VSTM4: variants seen among roughly 807,000 people sequenced by gnomAD.
VSTM4 encodes V-set and transmembrane domain containing 4.
In VSTM4, 20 loss-of-function variants were observed where a neutral mutation model predicts 36.4. That is an observed-to-expected ratio of 0.55 (90% CI 0.39 to 0.80). The LOEUF is 0.80. Among genes scored for constraint, VSTM4 ranks in the 30% least tolerant of loss-of-function variants. The pLI, the probability that VSTM4 is intolerant of heterozygous loss-of-function variation, is 0.00. For missense variants in VSTM4, 392 were observed against 404.5 expected, an observed-to-expected ratio of 0.97 and a Z score of 0.26; for synonymous variants, 182 against 173.9, an observed-to-expected ratio of 1.05 and a Z score of -0.37.
intron 4 of VSTM4, among the ~76,000 whole-genome samples, chr10:49,072,111 T>C (rs940450431): frequency 2.0e-5 from 3 of 152,240 alleles, no homozygotes; most frequent in African/African-American, 7.2e-5. Context: ...TGGACACACA[T>C]GGCTTGGTCT....
intron 4 of VSTM4, among the ~76,000 whole-genome samples, chr10:49,076,093 C>G (rs915200299): frequency 4.6e-5 from 7 of 152,132 alleles, no homozygotes; most frequent in African/African-American, 1.7e-4. Flanking sequence ...TTGGATGTGT[C>G]ACCTCCCTCA....
chr10:49,115,030 A>C (rs1844966038), intron 1 of VSTM4, among the ~76,000 whole-genome samples: 1 of 152,106 alleles, frequency 6.6e-6, no homozygotes, highest in African/African-American at 2.4e-5. Flanking sequence ...AAGAGAGTGA[A>C]AGGGAAGTTG....
At chr10:49,047,267 T>C (rs143668871) in intron 6 of VSTM4, among the ~76,000 whole-genome samples, 1 of 151,886 alleles carries the variant, frequency 6.6e-6, no homozygotes, top group African/African-American at 2.4e-5. Context: ...ACAAAACAAC[T>C]CTGCATAAAA....
At chr10:49,072,638 G>A (rs959887903) in intron 4 of VSTM4, among the ~76,000 whole-genome samples, 2 of 152,188 alleles carry the variant, frequency 1.3e-5, no homozygotes, top group Admixed American at 1.3e-4. Flanking sequence ...GTGGGAGAGT[G>A]ACACAGTGCC....
At chr10:49,041,295 A>T (rs931535265) in intron 7 of VSTM4, among the ~76,000 whole-genome samples, 1 of 152,242 alleles carries the variant, frequency 6.6e-6, no homozygotes, top group African/African-American at 2.4e-5. Flanking sequence ...ACTAGCTTCC[A>T]AATTGACCTT....
chr10:49,053,853 G>A (rs1194841156), intron 5 of VSTM4, among the ~76,000 whole-genome samples: 1 of 152,206 alleles, frequency 6.6e-6, no homozygotes, highest in African/African-American at 2.4e-5. Flanking sequence ...GACAGACCAG[G>A]CAGGTCATGA....
chr10:49,035,687 A>AAAAAAAAAGTT (rs1554829905), intron 7 of VSTM4, among the ~76,000 whole-genome samples: 8 of 150,904 alleles, frequency 5.3e-5, no homozygotes, highest in African/African-American at 2.0e-4. Flanking sequence ...AAAAAAAAAA[A>AAAAAAAAAGTT]AAAAGTTAGA....
rs991833981 is a variant in VSTM4 at position 49,077,388 on chromosome 10, C to T, written c.527-62G>A. The stretch of plus-strand genomic sequence containing the variant: ...GGGGGCCGCAGCAGAAGTGCGCTGG[C>T]AAGAGAACAATCAGAATTGGAATAT... On this transcript the variant is annotated intron_variant, in intron 3 of 7. Transcript: ENST00000332853. 4.2e-6 allele frequency: 6 copies of T among 1,445,168 alleles called. No homozygotes were observed. In the African/African-American group the frequency reaches 7.0e-5, roughly 17 times the overall value. The allele number at this position is 1,445,168 out of a possible 1,614,324, so 89.5% of individuals were successfully genotyped here.
chr10:49,064,843 G>A, intron 4 of VSTM4, 107 bp from the exon 5 acceptor site: 6 of 1,146,748 alleles, frequency 5.2e-6, no homozygotes, highest in Non-Finnish European at 7.6e-6. Context: ...TCAGGTATTG[G>A]TGCTATACCA....
intron 3 of VSTM4, among the ~76,000 whole-genome samples, chr10:49,079,823 G>C (rs1001419383): frequency 6.6e-6 from 1 of 151,986 alleles, no homozygotes; most frequent in East Asian, 1.9e-4. Flanking sequence ...AAAAGCCATC[G>C]GCCATCCTGT....
At chr10:49,097,938 T>C (rs903090927) in intron 2 of VSTM4, among the ~76,000 whole-genome samples, 2 of 152,228 alleles carry the variant, frequency 1.3e-5, no homozygotes, top group African/African-American at 4.8e-5. Flanking sequence ...TTTTTTTCTC[T>C]GGCCTAAGGG....
chr10:49,048,461 G>T lies in VSTM4; in HGVS notation c.775+17C>A, dbSNP rs769117533. 1.3e-6 allele frequency: 2 copies of T among 1,561,568 alleles called. No homozygotes were observed. The highest frequency in any genetic ancestry group is 2.2e-5 in the Admixed American group (1 of 46,044). Reference sequence around the variant, plus strand: ...AATGATAGTTTCCAGGTAAGAAACTGCAGGCCAGCTCCTTACCTTTGGCAG... The same window carrying T: ...AATGATAGTTTCCAGGTAAGAAACTTCAGGCCAGCTCCTTACCTTTGGCAG... On this transcript the variant is annotated intron_variant, in intron 6 of 7. Coordinates refer to ENST00000332853, the MANE Select transcript of VSTM4 (RefSeq NM_001031746.5).
At chr10:49,105,841 G>GTGTA (rs1844772338) in intron 2 of VSTM4, among the ~76,000 whole-genome samples, 2 of 149,372 alleles carry the variant, frequency 1.3e-5, no homozygotes, top group Non-Finnish European at 3.0e-5. Flanking sequence ...ATGTGTGTGT[G>GTGTA]TATATATATA....
chr10:49,053,835 C>G (rs56157539), intron 5 of VSTM4, among the ~76,000 whole-genome samples: 1 of 152,186 alleles, frequency 6.6e-6, no homozygotes, highest in South Asian at 2.1e-4. Context: ...TGGAAAGCAC[C>G]GCTGCAGGAC....
intron 2 of VSTM4, among the ~76,000 whole-genome samples, 193 bp downstream of exon 2, chr10:49,107,401 G>A (rs973315400): frequency 5.9e-5 from 9 of 152,150 alleles, no homozygotes; most frequent in Admixed American, 1.3e-4. Flanking sequence ...TGTCTACACA[G>A]CACATTAGCC....
chr10:49,107,812 T>G lies in VSTM4; in HGVS notation c.239A>C (p.Lys80Thr). 1 of 1,614,270 alleles carries G rather than the reference T, an allele frequency of 6.2e-7. No individual in the cohort carries two copies. Among genetic ancestry groups the G allele is most frequent in the Non-Finnish European group, 8.5e-7 (1 of 1,180,046 alleles). Residue 80 changes from lysine (K) to threonine (T), a missense_variant, in exon 2 of 8, where the codon AAG becomes ACG. Transcript: ENST00000332853. Reference sequence around the variant, plus strand: ...CCCATAGTACTGCACCACCCGGAGCTTGGTCATCTTCACCATCAAGGCCTC... The same window carrying G: ...CCCATAGTACTGCACCACCCGGAGCGTGGTCATCTTCACCATCAAGGCCTC... ...SQEALMVKMT[K>T]LRVVQYYGNF... is the part of the protein sequence containing the mutation.
Position 49,064,683 on chromosome 10 carries a change from A to G in VSTM4, c.668+20T>C. 6.2e-7 allele frequency: 1 copy of G among 1,603,580 alleles called. No individual in the cohort carries two copies. Among genetic ancestry groups the G allele is most frequent in the Non-Finnish European group, 8.5e-7 (1 of 1,176,730 alleles). ...AATGGCAAAGAGTTTCATCTGAAAA[A>G]AGGAAGAAAATATTCTTACCTGTTC... On this transcript the variant is annotated intron_variant, in intron 5 of 7. Coordinates refer to ENST00000332853, the MANE Select transcript of VSTM4 (RefSeq NM_001031746.5).
rs189981395 is a variant in VSTM4, at chr10:49,056,323, C to T, written c.669-7739G>A. Among the ~76,000 whole-genome samples the T allele has an allele frequency of 2.6e-5, 4 of 152,322 alleles. No individual in the cohort carries two copies. In the East Asian group the frequency reaches 7.7e-4, roughly 29 times the overall value. On this transcript the variant is annotated intron_variant, in intron 5 of 7. Coordinates refer to ENST00000332853, the MANE Select transcript of VSTM4 (RefSeq NM_001031746.5). The stretch of plus-strand genomic sequence containing the variant: ...ATTTTTTTACACTAGCTGGTGAGAT[C>T]AGGAGATACTTTAGTGGTGCTCCAC...
At chr10:49,043,966 T>C (rs539710455) in intron 7 of VSTM4, among the ~76,000 whole-genome samples, 2 of 152,370 alleles carry the variant, frequency 1.3e-5, no homozygotes, top group South Asian at 4.1e-4. Flanking sequence ...CTTCTGTCCA[T>C]TTTTTGGTAG....
Sources: gnomAD v4.1 joint callset for allele counts (sites outside exome capture counted in the v4.1 genomes callset) on GRCh38, gnomAD v4.1.1 for gene constraint, MANE v1.5 for transcripts, NCBI Gene and HGNC (gene_info 2026-07-23, HGNC 2026-07-21) for gene names.